MARCHF1: variants seen among roughly 807,000 people sequenced by gnomAD.
MARCHF1 encodes the protein membrane associated ring-CH-type finger 1, also known as E3 ubiquitin-protein ligase MARCHF1.
A neutral mutation model predicts 54.2 loss-of-function variants in MARCHF1; 40 were observed. That is an observed-to-expected ratio of 0.74 (90% CI 0.57 to 0.96). The LOEUF is 0.96. Ranked by LOEUF, MARCHF1 falls within the 40% of genes least tolerant of loss-of-function variation. The pLI is 0.00. For missense variants in MARCHF1, 586 were observed against 656.5 expected (o/e 0.89, Z 1.17); for synonymous variants, 236 against 236.3 (o/e 1.00, Z 0.01).
intron 2 of MARCHF1, among the ~76,000 whole-genome samples, chr4:164,051,977 C>T (rs1259429445): frequency 6.6e-6 from 1 of 152,094 alleles, no homozygotes; most frequent in Non-Finnish European, 1.5e-5. Flanking sequence ...TACAATGCTA[C>T]AAGATTTCAG....
intron 4 of MARCHF1, among the ~76,000 whole-genome samples, chr4:163,806,499 C>G (rs2110993097): frequency 6.6e-6 from 1 of 152,306 alleles, no homozygotes; most frequent in South Asian, 2.1e-4. Flanking sequence ...CATGTGGCTC[C>G]AGTGGGGGCT....
chr4:164,156,401 A>G (rs1730078617), intron 1 of MARCHF1, among the ~76,000 whole-genome samples: 1 of 151,504 alleles, frequency 6.6e-6, no homozygotes, highest in Admixed American at 6.6e-5. Flanking sequence ...AATGGGGAAG[A>G]GAAAACTCAA....
chr4:163,925,983 T>C (rs949332009), intron 3 of MARCHF1, among the ~76,000 whole-genome samples: 5 of 151,740 alleles, frequency 3.3e-5, no homozygotes, highest in Non-Finnish European at 7.4e-5. Flanking sequence ...TTTTACTTTC[T>C]TCTGATTTCA....
chr4:164,274,659 CTTTTTTTTTTTTTT>C (rs70952617), intron 1 of MARCHF1, among the ~76,000 whole-genome samples: 45 of 44,658 alleles, frequency 1.0e-3, no homozygotes, highest in South Asian at 2.3e-3. Context: ...TCAGGGTACA[CTTTTTTTTTTTTTT>C]TTTTTTTTTT....
chr4:163,813,093 T>C (rs1748439149), intron 4 of MARCHF1, among the ~76,000 whole-genome samples: 1 of 152,206 alleles, frequency 6.6e-6, no homozygotes, highest in Non-Finnish European at 1.5e-5. Context: ...TTTACATGAC[T>C]GGTCATTGGT....
At position 163,524,801 on chromosome 4, in the gene MARCHF1, T is replaced by G. The variant is rs1366447030; in HGVS notation, c.*3947A>C. The stretch of plus-strand genomic sequence containing the variant: ...TCTTAATTTGCTTTAGTACACATGA[T>G]TCACAAAACAGTAAATTGTTAATGC... On this transcript the variant is annotated 3_prime_UTR_variant, in exon 10 of 10. Transcript: ENST00000514618. 3 of 152,204 alleles carry G rather than the reference T, an allele frequency of 2.0e-5. No homozygotes were observed. Among genetic ancestry groups the G allele is most frequent in the African/African-American group, 7.2e-5 (3 of 41,452 alleles). The allele number at this position is 152,204 out of a possible 1,614,324, so 9.4% of individuals were successfully genotyped here. A position where few individuals can be genotyped will look rare whatever the true frequency, so the allele number is the denominator to read the frequency against.
At chr4:163,843,704 C>T (rs530570842) in intron 4 of MARCHF1, among the ~76,000 whole-genome samples, 11 of 152,046 alleles carry the variant, frequency 7.2e-5, no homozygotes, top group South Asian at 4.1e-4. Context: ...CACTTGCCCC[C>T]GACAGGACCC....
At chr4:164,086,108 TA>T (rs1200256781) in intron 2 of MARCHF1, among the ~76,000 whole-genome samples, 12 of 151,902 alleles carry the variant, frequency 7.9e-5, no homozygotes, top group African/African-American at 2.9e-4. Context: ...TTGGAATTTA[TA>T]ATATTATTGA....
chr4:163,678,928 A>G (rs1744004562), intron 5 of MARCHF1, among the ~76,000 whole-genome samples: 1 of 152,192 alleles, frequency 6.6e-6, no homozygotes, highest in South Asian at 2.1e-4. Flanking sequence ...GATGGTTTTA[A>G]GCAACATTTC....
At chr4:163,993,149 G>A (rs1579445934) in intron 2 of MARCHF1, among the ~76,000 whole-genome samples, 2 of 152,088 alleles carry the variant, frequency 1.3e-5, no homozygotes, top group South Asian at 4.1e-4. Context: ...GGAGAGTTAG[G>A]GAACAACCCA....
chr4:164,028,334 G>C lies in MARCHF1; in HGVS notation c.-247-39625C>G, dbSNP rs1367817769. On this transcript the variant is annotated intron_variant, in intron 2 of 9. Transcript: ENST00000514618. The stretch of plus-strand genomic sequence containing the variant: ...ATGGGATCAACCTATGTGCTCATCA[G>C]TGGTGGACTGGATAAAGAAAATGCA... 2.0e-5 allele frequency among the ~76,000 whole-genome samples: 3 copies of C among 152,160 alleles called. No individual in the cohort carries two copies. The East Asian group carries it at 5.8e-4, about 29-fold the overall frequency.
At chr4:164,036,672 TA>T (rs1240876264) in intron 2 of MARCHF1, among the ~76,000 whole-genome samples, 1 of 152,172 alleles carries the variant, frequency 6.6e-6, no homozygotes, top group Non-Finnish European at 1.5e-5. Context: ...ATGAAAAAGC[TA>T]GACTAATGGT....
chr4:163,909,265 T>A (rs1560815147), intron 3 of MARCHF1, among the ~76,000 whole-genome samples: 1 of 152,128 alleles, frequency 6.6e-6, no homozygotes, highest in Non-Finnish European at 1.5e-5. Context: ...AAACAGTAAG[T>A]GTTTGAATGT....
chr4:163,889,931 T>C (rs1230647546), intron 3 of MARCHF1, among the ~76,000 whole-genome samples: 8 of 145,854 alleles, frequency 5.5e-5, no homozygotes, highest in African/African-American at 7.5e-5. Context: ...TTTTTCTTTT[T>C]TTTTTTTTTT....
At position 163,986,642 on chromosome 4, in the gene MARCHF1, A is replaced by G. The variant is rs548115426; in HGVS notation, c.-39+1859T>C. ...GTGTTTTTTGACCCTGAAAGAAACA[A>G]AGCTATACATGTTTTAATAATTCAA... On this transcript the variant is annotated intron_variant, in intron 3 of 9. Coordinates refer to ENST00000514618, the MANE Select transcript of MARCHF1 (RefSeq NM_001394959.1). Among the ~76,000 whole-genome samples, 6 of 152,286 alleles carry G rather than the reference A, an allele frequency of 3.9e-5. No individual in the cohort carries two copies. In the East Asian group the frequency reaches 1.2e-3, roughly 29 times the overall value.
chr4:163,968,196 T>G (rs574078860), intron 3 of MARCHF1, among the ~76,000 whole-genome samples: 3 of 152,020 alleles, frequency 2.0e-5, no homozygotes, highest in African/African-American at 7.2e-5. Flanking sequence ...AACCTTGGTT[T>G]GCAGATAGCC....
intron 1 of MARCHF1, among the ~76,000 whole-genome samples, chr4:164,269,008 A>C (rs1043339261): frequency 5.9e-5 from 9 of 152,048 alleles, no homozygotes; most frequent in African/African-American, 2.2e-4. Flanking sequence ...TTTCCTAACA[A>C]TTTTGGGGTT....
At chr4:164,011,147 G>A (rs923792238) in intron 2 of MARCHF1, among the ~76,000 whole-genome samples, 7 of 152,090 alleles carry the variant, frequency 4.6e-5, no homozygotes, top group African/African-American at 1.4e-4. Flanking sequence ...TCTAAAACCT[G>A]AAACTATGAA....
intron 3 of MARCHF1, among the ~76,000 whole-genome samples, chr4:163,917,611 TTTC>T (rs1751338248): frequency 6.6e-6 from 1 of 152,166 alleles, no homozygotes; most frequent in African/African-American, 2.4e-5. Context: ...CTAAATTTAA[TTTC>T]TTTTTTTTCT....
Sources: allele counts gnomAD v4.1 joint callset (sites outside exome capture counted in the v4.1 genomes callset), GRCh38; gene constraint gnomAD v4.1.1; transcripts MANE v1.5; gene names NCBI Gene and HGNC (gene_info 2026-07-23, HGNC 2026-07-21).